Variants in MIPOL1 observed in about 807,000 individuals in gnomAD.
The protein encoded by MIPOL1 is mirror-image polydactyly gene 1 protein.
In MIPOL1, 57 loss-of-function variants were observed where a neutral mutation model predicts 60.9. That is an observed-to-expected ratio of 0.94 (90% CI 0.76 to 1.17). The LOEUF is 1.17. MIPOL1 is among the 50% of genes most tolerant of loss of function. The pLI is 0.00. For synonymous variants in MIPOL1, 179 were observed against 168.8 expected (o/e 1.06, Z -0.47); for missense variants, 551 against 511.6 (o/e 1.08, Z -0.74).
rs187535691 is a variant in MIPOL1 at position 37,487,740 on chromosome 14, T to C, written c.1032-12168T>C. On this transcript the variant is annotated intron_variant, in intron 11 of 12. Coordinates refer to ENST00000684589, the MANE Select transcript of MIPOL1 (RefSeq NM_001388067.1). ...GTTTCTTCTCTTTTTTCTTCTTTATTAGTCTGGCTAGCGGTCTATTTTGTT... is the reference window on the plus strand; with the variant it reads ...GTTTCTTCTCTTTTTTCTTCTTTATCAGTCTGGCTAGCGGTCTATTTTGTT... 6.1e-4 allele frequency among the ~76,000 whole-genome samples: 93 copies of C among 152,342 alleles called. No homozygotes were observed. In the Middle Eastern group the frequency reaches 0.031, roughly 50 times the overall value.
chr14:37,385,580 A>T (rs12896336), intron 10 of MIPOL1: 33,277 of 151,974 alleles, frequency 0.22, 4,116 homozygotes, highest in South Asian at 0.36. Flanking sequence ...AAAGAACTAA[A>T]CTTTACACTT....
chr14:37,303,693 C>T (rs1038864194), intron 7 of MIPOL1, among the ~76,000 whole-genome samples: 2 of 151,758 alleles, frequency 1.3e-5, no homozygotes, highest in Non-Finnish European at 1.5e-5. Flanking sequence ...TCAGGCTTTT[C>T]TTTTTAATTC....
At chr14:37,310,057 AC>A (rs1334096427) in intron 9 of MIPOL1, among the ~76,000 whole-genome samples, 2 of 151,700 alleles carry the variant, frequency 1.3e-5, no homozygotes, top group African/African-American at 4.8e-5. Context: ...TTACTCCCCC[AC>A]CCCAACACAC....
chr14:37,329,449 A>G (rs2089484345), intron 9 of MIPOL1, among the ~76,000 whole-genome samples: 1 of 152,156 alleles, frequency 6.6e-6, no homozygotes. Flanking sequence ...CTTTTTATAT[A>G]ATATTCAACT....
At chr14:37,415,029 G>T (rs1432403063) in intron 10 of MIPOL1, among the ~76,000 whole-genome samples, 1 of 152,078 alleles carries the variant, frequency 6.6e-6, no homozygotes, top group Non-Finnish European at 1.5e-5. Context: ...TTGGGAGTTA[G>T]TTATTGCAGT....
intron 1 of MIPOL1, among the ~76,000 whole-genome samples, chr14:37,223,660 G>A (rs547687369): frequency 1.3e-5 from 2 of 151,928 alleles, no homozygotes; most frequent in East Asian, 2.0e-4. Context: ...GTACCACCAC[G>A]CCCGGCTAAT....
chr14:37,297,843 G>A (rs1360770281), intron 7 of MIPOL1, among the ~76,000 whole-genome samples: 2 of 151,942 alleles, frequency 1.3e-5, no homozygotes, highest in African/African-American at 2.4e-5. Context: ...ATGCTCATGG[G>A]TAGGAAGAAT....
chr14:37,462,471 C>G (rs1369862256), intron 11 of MIPOL1, among the ~76,000 whole-genome samples: 1 of 152,222 alleles, frequency 6.6e-6, no homozygotes, highest in African/African-American at 2.4e-5. Context: ...ACATTTGGTT[C>G]CAAGCTACTT....
intron 11 of MIPOL1, among the ~76,000 whole-genome samples, chr14:37,448,968 T>C (rs896351782): frequency 1.3e-5 from 2 of 152,208 alleles, no homozygotes; most frequent in Non-Finnish European, 2.9e-5. Flanking sequence ...TATTTATTTT[T>C]ACACAACTCT....
At chr14:37,336,907 C>T (rs2090166581) in intron 9 of MIPOL1, among the ~76,000 whole-genome samples, 3 of 151,980 alleles carry the variant, frequency 2.0e-5, no homozygotes, top group Middle Eastern at 3.4e-3. Flanking sequence ...ACTACAGTCA[C>T]GCACCACCAC....
rs75897368 is a variant in MIPOL1 at position 37,538,090 on chromosome 14, C to G, written c.1263-8815C>G. ...CAGACTGACCTAATAACTCAGTGAT[C>G]TACTCACTAAGGACTTAGTATGCTC... On this transcript the variant is annotated intron_variant, in intron 12 of 12. Coordinates refer to ENST00000684589, the MANE Select transcript of MIPOL1 (RefSeq NM_001388067.1). Among the ~76,000 whole-genome samples the G allele has an allele frequency of 3.4e-4, 52 of 152,300 alleles. No homozygotes were observed. The East Asian group carries it at 9.8e-3, about 29-fold the overall frequency.
At chr14:37,376,897 C>G (rs557520406) in intron 10 of MIPOL1, among the ~76,000 whole-genome samples, 1 of 152,272 alleles carries the variant, frequency 6.6e-6, no homozygotes, top group East Asian at 1.9e-4. Flanking sequence ...TGCTTTCCCA[C>G]CAGTAATGAA....
chr14:37,530,961 G>A (rs1274236722), intron 12 of MIPOL1, among the ~76,000 whole-genome samples: 2 of 151,888 alleles, frequency 1.3e-5, no homozygotes, highest in Non-Finnish European at 2.9e-5. Flanking sequence ...GAGATTACAG[G>A]TGCCCGCCCC....
intron 11 of MIPOL1, among the ~76,000 whole-genome samples, chr14:37,482,285 A>G (rs1040219929): frequency 6.6e-6 from 1 of 152,220 alleles, no homozygotes; most frequent in Non-Finnish European, 1.5e-5. Context: ...ACACTTCTCA[A>G]AAGAAGGCAT....
intron 3 of MIPOL1, among the ~76,000 whole-genome samples, chr14:37,258,315 TAACA>T (rs896530251): frequency 1.3e-5 from 2 of 152,104 alleles, no homozygotes; most frequent in Non-Finnish European, 2.9e-5. Context: ...TCTTCATTCT[TAACA>T]AACAAAAAAT....
intron 1 of MIPOL1, among the ~76,000 whole-genome samples, chr14:37,216,260 A>G (rs113940669): frequency 2.6e-5 from 4 of 152,296 alleles, no homozygotes; most frequent in African/African-American, 4.8e-5. Context: ...TATGCACCCA[A>G]CACTGGAGCA....
intron 8 of MIPOL1, 81 bp from the exon 9 acceptor site, chr14:37,308,268 A>C (rs1161458295): frequency 3.2e-6 from 4 of 1,258,858 alleles, no homozygotes; most frequent in Non-Finnish European, 4.3e-6. Context: ...TACAATTCAC[A>C]TGTGCCTATT....
chr14:37,467,783 G>C (rs144279622), intron 11 of MIPOL1, among the ~76,000 whole-genome samples: 4 of 152,114 alleles, frequency 2.6e-5, no homozygotes, highest in African/African-American at 9.6e-5. Flanking sequence ...GGCCGGGTGC[G>C]GTGGCTCATG....
intron 10 of MIPOL1, among the ~76,000 whole-genome samples, chr14:37,393,403 T>TG (rs1381868600): frequency 7.8e-5 from 4 of 51,012 alleles, no homozygotes; most frequent in African/African-American, 2.7e-4. Flanking sequence ...TTGTTTTGTT[T>TG]TTGTGTGTGT....
Sources: allele counts gnomAD v4.1 joint callset (sites outside exome capture counted in the v4.1 genomes callset), GRCh38; gene constraint gnomAD v4.1.1; transcripts MANE v1.5; gene names NCBI Gene and HGNC (gene_info 2026-07-23, HGNC 2026-07-21).